The following FAM135B variants were observed in gnomAD, a reference collection of about 807,000 sequenced individuals.
FAM135B encodes family with sequence similarity 135 member B.
FAM135B carries 43 observed loss-of-function variants against 127.7 expected under a neutral mutation model. The ratio of observed to expected loss-of-function variants is 0.34; its 90% confidence interval spans 0.26 to 0.43. The LOEUF is 0.43. FAM135B is among the 20% of genes least tolerant of loss of function. The pLI is 1.00. For synonymous variants in FAM135B, 670 were observed against 665.1 expected (o/e 1.01, Z -0.11); for missense variants, 1,558 against 1,725.6 (o/e 0.90, Z 1.72).
intron 17 of FAM135B, 135 bp from the exon 18 acceptor site, chr8:138,139,231 C>A: frequency 5.1e-6 from 3 of 583,972 alleles, no homozygotes; most frequent in Non-Finnish European, 9.1e-6. Flanking sequence ...GGCATACTAG[C>A]AAATAGTTGG....
intron 7 of FAM135B, among the ~76,000 whole-genome samples, chr8:138,237,150 A>ATTT (rs10604150): frequency 0.042 from 4,216 of 100,718 alleles, 18 homozygotes; most frequent in African/African-American, 0.064. Context: ...TGGATCCTTG[A>ATTT]TTTTTTTTTT....
In FAM135B at chr8:138,258,803, C is replaced by CCACACACACACA. The variant is rs57817492; in HGVS notation, c.298-2056_298-2045dup. On this transcript the variant is annotated intron_variant, in intron 4 of 19. Transcript: ENST00000395297. ...CCCTCCCTTCAAAAAGACACACACA[C>CCACACACACACA]CACACACACACACACACACACACAC... 6.0e-3 allele frequency among the ~76,000 whole-genome samples: 874 copies of CCACACACACACA among 146,612 alleles called. 11 individuals carry two copies. The highest frequency in any genetic ancestry group is 0.019 in the African/African-American group (740 of 39,112).
At chr8:138,215,598 G>A (rs1018168011) in intron 7 of FAM135B, among the ~76,000 whole-genome samples, 1 of 152,212 alleles carries the variant, frequency 6.6e-6, no homozygotes, top group African/African-American at 2.4e-5. Flanking sequence ...ACAGAAGTTA[G>A]CAAGTTGCAG....
At chr8:138,449,101 C>T (rs1836350744) in intron 1 of FAM135B, among the ~76,000 whole-genome samples, 1 of 152,094 alleles carries the variant, frequency 6.6e-6, no homozygotes, top group South Asian at 2.1e-4. Flanking sequence ...GGTTTACTCA[C>T]AATGTAAAAT....
intron 1 of FAM135B, among the ~76,000 whole-genome samples, chr8:138,388,688 A>C (rs1832363123): frequency 6.6e-6 from 1 of 152,224 alleles, no homozygotes; most frequent in Non-Finnish European, 1.5e-5. Context: ...ATGTTGTAGA[A>C]GATGAAACAA....
intron 6 of FAM135B, among the ~76,000 whole-genome samples, chr8:138,245,525 C>G (rs7465673): frequency 1.3e-5 from 2 of 151,950 alleles, no homozygotes; most frequent in African/African-American, 4.8e-5. Context: ...CCGCCATGTG[C>G]AGAAGGACAT....
At chr8:138,159,799 G>A (rs1295441735) in intron 12 of FAM135B, among the ~76,000 whole-genome samples, 1 of 152,046 alleles carries the variant, frequency 6.6e-6, no homozygotes, top group Non-Finnish European at 1.5e-5. Flanking sequence ...TAATTCCTAA[G>A]AGATACTCTC....
At chr8:138,470,865 G>A (rs565893768) in intron 1 of FAM135B, among the ~76,000 whole-genome samples, 12 of 152,252 alleles carry the variant, frequency 7.9e-5, no homozygotes, top group African/African-American at 2.6e-4. Context: ...AAATATTAAA[G>A]AGCCCAATTT....
At chr8:138,414,780 C>A (rs1263616967) in intron 1 of FAM135B, among the ~76,000 whole-genome samples, 1 of 152,128 alleles carries the variant, frequency 6.6e-6, no homozygotes, top group Non-Finnish European at 1.5e-5. Flanking sequence ...TAAGAGGCTC[C>A]ATGCATGCTC....
At chr8:138,484,080 C>A (rs1814894267) in intron 1 of FAM135B, among the ~76,000 whole-genome samples, 1 of 152,104 alleles carries the variant, frequency 6.6e-6, no homozygotes. Flanking sequence ...CTCATCTGAG[C>A]AAGCAGGGAG....
intron 2 of FAM135B, among the ~76,000 whole-genome samples, chr8:138,362,656 G>A (rs751304049): frequency 3.3e-5 from 5 of 152,142 alleles, no homozygotes; most frequent in African/African-American, 9.7e-5. Context: ...GGGACGTTTC[G>A]AGGATAAATT....
chr8:138,458,060 G>A (rs963668202), intron 1 of FAM135B, among the ~76,000 whole-genome samples: 38 of 151,988 alleles, frequency 2.5e-4, no homozygotes, highest in Non-Finnish European at 4.9e-4. Context: ...GTTGAGACAC[G>A]AGAATCACTT....
At chr8:138,411,763 G>C (rs543248650) in intron 1 of FAM135B, among the ~76,000 whole-genome samples, 16 of 152,112 alleles carry the variant, frequency 1.1e-4, no homozygotes, top group Non-Finnish European at 1.5e-4. Context: ...TATCCAGAAT[G>C]TACTTGTATG....
intron 1 of FAM135B, among the ~76,000 whole-genome samples, chr8:138,389,282 G>A (rs1267567329): frequency 2.0e-5 from 3 of 152,138 alleles, no homozygotes; most frequent in Admixed American, 1.3e-4. Context: ...ATTACCACAC[G>A]ACCCAGCAAT....
intron 1 of FAM135B, among the ~76,000 whole-genome samples, chr8:138,458,049 G>C: frequency 6.6e-6 from 1 of 152,002 alleles, no homozygotes; most frequent in Non-Finnish European, 1.5e-5. Context: ...CTACATGAGA[G>C]GTTGAGACAC....
intron 3 of FAM135B, among the ~76,000 whole-genome samples, chr8:138,307,489 G>C (rs1351352868): frequency 6.6e-6 from 1 of 152,110 alleles, no homozygotes; most frequent in Admixed American, 6.6e-5. Context: ...AAATCACCCT[G>C]TTTAAATATC....
intron 17 of FAM135B, among the ~76,000 whole-genome samples, chr8:138,140,460 C>T (rs550471630): frequency 6.6e-6 from 1 of 152,198 alleles, no homozygotes; most frequent in Non-Finnish European, 1.5e-5. Context: ...GGCTTCCATA[C>T]ACCAAACCAT....
chr8:138,453,574 T>C (rs986770523), intron 1 of FAM135B, among the ~76,000 whole-genome samples: 2 of 152,158 alleles, frequency 1.3e-5, no homozygotes, highest in African/African-American at 4.8e-5. Flanking sequence ...AGCAGAATGC[T>C]ACAGACCAGT....
intron 9 of FAM135B, among the ~76,000 whole-genome samples, chr8:138,193,728 C>A (rs1816352885): frequency 1.3e-5 from 2 of 152,300 alleles, no homozygotes; most frequent in South Asian, 4.1e-4. Context: ...CAGAGAAGAG[C>A]AGACCCCATG....
Sources: gnomAD v4.1 joint callset for allele counts (sites outside exome capture counted in the v4.1 genomes callset) on GRCh38, gnomAD v4.1.1 for gene constraint, MANE v1.5 for transcripts, NCBI Gene and HGNC (gene_info 2026-07-23, HGNC 2026-07-21) for gene names.